Variants in ST3GAL6 observed in about 807,000 individuals in gnomAD.
ST3GAL6 encodes ST3 beta-galactoside alpha-2,3-sialyltransferase 6.
Under a neutral mutation model 40.5 loss-of-function variants are expected in ST3GAL6, and 31 were observed. That is an observed-to-expected ratio of 0.77 (90% confidence interval 0.58 to 1.03). The LOEUF (loss-of-function observed/expected upper bound fraction) is 1.03. ST3GAL6 is among the 50% of genes least tolerant of loss of function. The pLI is 0.00. For missense variants in ST3GAL6, 357 were observed against 393.2 expected (o/e 0.91, Z 0.78); for synonymous variants, 129 against 136.9 (o/e 0.94, Z 0.40).
chr3:98,770,824 C>A, intron 2 of ST3GAL6, 55 bp from the exon 3 acceptor site: 1 of 1,531,552 alleles, frequency 6.5e-7, no homozygotes, highest in South Asian at 1.1e-5. Context: ...ATTTGCTTCC[C>A]TTTGGGCAGG....
chr3:98,787,503 C>G (rs919392560), intron 6 of ST3GAL6, among the ~76,000 whole-genome samples: 9 of 152,302 alleles, frequency 5.9e-5, no homozygotes, highest in Admixed American at 5.2e-4. Context: ...TTTACTCTAG[C>G]AATAGACATT....
At chr3:98,732,879 CGA>C (rs1935149900) in intron 1 of ST3GAL6, 1 of 1,512,760 alleles carries the variant, frequency 6.6e-7, no homozygotes, top group African/African-American at 1.4e-5. Context: ...GCAGGCGCCG[CGA>C]GAGAGGCAGC....
At chr3:98,771,891 A>C (rs1939035355) in intron 3 of ST3GAL6, among the ~76,000 whole-genome samples, 1 of 149,394 alleles carries the variant, frequency 6.7e-6, no homozygotes, top group African/African-American at 2.4e-5. Flanking sequence ...TCTAGTGCAA[A>C]CACATATTTA....
At chr3:98,790,947 A>G (rs1431232118) in intron 8 of ST3GAL6, among the ~76,000 whole-genome samples, 1 of 152,204 alleles carries the variant, frequency 6.6e-6, no homozygotes, top group Non-Finnish European at 1.5e-5. Context: ...ATGCTTTCGG[A>G]CAAGTTTGCC....
chr3:98,757,988 C>T (rs1937531371), intron 1 of ST3GAL6, among the ~76,000 whole-genome samples: 1 of 152,030 alleles, frequency 6.6e-6, no homozygotes, highest in Non-Finnish European at 1.5e-5. Context: ...AGGCGTGCAC[C>T]ACCACGTCTA....
intron 1 of ST3GAL6, among the ~76,000 whole-genome samples, chr3:98,750,354 TCA>T (rs1388955355): frequency 6.6e-6 from 1 of 152,236 alleles, no homozygotes; most frequent in East Asian, 1.9e-4. Context: ...ATGTGTGGAC[TCA>T]CAAAACTCTG....
In ST3GAL6 at chr3:98,765,615, A is replaced by G. The variant is rs528420525; in HGVS notation, c.-12+2176A>G. Among the ~76,000 whole-genome samples the G allele has an allele frequency of 7.2e-5, 11 of 152,344 alleles. 1 individual carries two copies. The South Asian group carries it at 2.3e-3, about 32-fold the overall frequency. On this transcript the variant is annotated intron_variant, in intron 1 of 9. Coordinates refer to ENST00000483910, the MANE Select transcript of ST3GAL6 (RefSeq NM_001323368.2). The stretch of plus-strand genomic sequence containing the variant: ...ATTGGGTTACATATCTTAGTTGGAG[A>G]ATATGTGAACATTTGTCCTCTGCCA...
chr3:98,734,058 C>G (rs1043509740), intron 1 of ST3GAL6, among the ~76,000 whole-genome samples: 1 of 152,146 alleles, frequency 6.6e-6, no homozygotes, highest in African/African-American at 2.4e-5. Context: ...CTCGTGTCCA[C>G]GCTGACCTTT....
chr3:98,752,445 T>A (rs891543253), intron 1 of ST3GAL6, among the ~76,000 whole-genome samples: 7 of 151,696 alleles, frequency 4.6e-5, no homozygotes, highest in Admixed American at 1.3e-4. Flanking sequence ...AAAATATATA[T>A]TTTTTTCTTT....
At chr3:98,770,811 G>C in intron 2 of ST3GAL6, 68 bp from the exon 3 acceptor site, 1 of 1,358,694 alleles carries the variant, frequency 7.4e-7, no homozygotes, top group Non-Finnish European at 1.1e-6. Flanking sequence ...GAGTTCCCAG[G>C]GCATTTGCTT....
chr3:98,788,479 T>A lies in ST3GAL6; in HGVS notation c.756+16T>A, dbSNP rs761812390. The stretch of plus-strand genomic sequence containing the variant: ...CAAAAATCAGGTATGTATTTATCTC[T>A]GCATGGTTTCAAACTACAGATCTGG... On this transcript the variant is annotated intron_variant, in intron 8 of 9. Coordinates refer to ENST00000483910, the MANE Select transcript of ST3GAL6 (RefSeq NM_001323368.2). 8 of 1,589,222 alleles carry A rather than the reference T, an allele frequency of 5.0e-6. No individual in the cohort carries two copies. In the South Asian group the frequency reaches 9.3e-5, roughly 18 times the overall value.
intron 1 of ST3GAL6, among the ~76,000 whole-genome samples, chr3:98,764,845 T>C (rs1388345892): frequency 2.0e-5 from 3 of 152,246 alleles, no homozygotes; most frequent in Non-Finnish European, 4.4e-5. Context: ...TACATCTTAA[T>C]GCTTCTAATC....
chr3:98,788,272 T>C lies in ST3GAL6; in HGVS notation c.618+50T>C, dbSNP rs747568699. 5.7e-6 allele frequency: 9 copies of C among 1,587,724 alleles called. No individual in the cohort carries two copies. In the South Asian group the frequency reaches 5.7e-5, roughly 10 times the overall value. On this transcript the variant is annotated intron_variant, in intron 7 of 9. Transcript: ENST00000483910. ...TTCAGATTACCTTTAGTGCTTTTTT[T>C]CCTTAAAAAACAGACAGCCACACTG... is the stretch of plus-strand genomic sequence containing the variant.
At chr3:98,751,033 G>T (rs976026769) in intron 1 of ST3GAL6, among the ~76,000 whole-genome samples, 6 of 145,246 alleles carry the variant, frequency 4.1e-5, no homozygotes, top group African/African-American at 1.0e-4. Context: ...AACTTATCCA[G>T]ACTAAATAAT....
chr3:98,757,186 A>G (rs185044177), intron 1 of ST3GAL6, among the ~76,000 whole-genome samples: 151 of 152,348 alleles, frequency 9.9e-4, no homozygotes, highest in Admixed American at 5.2e-3. Context: ...TCAATGATTT[A>G]TTAAGGTTCA....
At chr3:98,765,870 A>G (rs1485819175) in intron 1 of ST3GAL6, among the ~76,000 whole-genome samples, 1 of 152,176 alleles carries the variant, frequency 6.6e-6, no homozygotes, top group East Asian at 1.9e-4. Flanking sequence ...GTTTTTGCTC[A>G]AAGCAAAATG....
At chr3:98,770,800 T>TG (rs2107188350) in intron 2 of ST3GAL6, 79 bp from the exon 3 acceptor site, 1 of 1,232,456 alleles carries the variant, frequency 8.1e-7, no homozygotes, top group East Asian at 2.3e-5. Flanking sequence ...GTGGCATGAA[T>TG]GAGTTCCCAG....
intron 1 of ST3GAL6, among the ~76,000 whole-genome samples, chr3:98,738,980 A>C (rs1052386151): frequency 6.6e-6 from 1 of 152,200 alleles, no homozygotes; most frequent in African/African-American, 2.4e-5. Flanking sequence ...AATTCAAAAA[A>C]ACCAAAATCA....
intron 3 of ST3GAL6, 68 bp from the exon 4 acceptor site, chr3:98,772,745 T>C (rs1024482318): frequency 5.7e-6 from 6 of 1,052,590 alleles, no homozygotes; most frequent in African/African-American, 1.6e-5. Flanking sequence ...TTACTTTTAG[T>C]TTTGATTTTA....
Sources: gnomAD v4.1 joint callset for allele counts (sites outside exome capture counted in the v4.1 genomes callset) on GRCh38, gnomAD v4.1.1 for gene constraint, MANE v1.5 for transcripts, NCBI Gene and HGNC (gene_info 2026-07-23, HGNC 2026-07-21) for gene names.